Variants in SGCG observed in about 807,000 individuals in gnomAD.
SGCG encodes the protein gamma-sarcoglycan.
Under a neutral mutation model 29.3 loss-of-function variants are expected in SGCG, and 26 were observed. The observed-to-expected ratio is 0.89, with a 90% CI of 0.65 to 1.23. The LOEUF (loss-of-function observed/expected upper bound fraction) is 1.23. Among genes scored for constraint, SGCG ranks in the 50% most tolerant of loss-of-function variants. The pLI, the probability that SGCG is intolerant of heterozygous loss-of-function variation, is 0.00. For missense variants in SGCG, 353 were observed against 356.0 expected (o/e 0.99, Z 0.07); for synonymous variants, 145 against 129.7 (o/e 1.12, Z -0.80).
At chr13:23,199,517 A>T (rs1284900982) in intron 1 of SGCG, among the ~76,000 whole-genome samples, 21 of 152,206 alleles carry the variant, frequency 1.4e-4, no homozygotes, top group Non-Finnish European at 1.5e-5. Context: ...AATTTAATAT[A>T]GTGTCTAATA....
intron 1 of SGCG, among the ~76,000 whole-genome samples, chr13:23,185,905 C>A (rs1283762201): frequency 6.6e-6 from 1 of 152,154 alleles, no homozygotes; most frequent in East Asian, 1.9e-4. Flanking sequence ...TAGCACGAGT[C>A]CACCCCTCGC....
At chr13:23,179,096 A>G (rs749723416), upstream of SGCG, among the ~76,000 whole-genome samples, 6 of 152,224 alleles carry the variant, frequency 3.9e-5, no homozygotes, top group Non-Finnish European at 5.9e-5. Context: ...AATCTGGAAC[A>G]AATTATTTTA....
intron 5 of SGCG, among the ~76,000 whole-genome samples, chr13:23,286,091 A>G (rs145204586): frequency 6.6e-6 from 1 of 152,174 alleles, no homozygotes; most frequent in Non-Finnish European, 1.5e-5. Flanking sequence ...ACAATGGGTA[A>G]CTTTTTGAGA....
the SGCG span, among the ~76,000 whole-genome samples, chr13:23,174,218 C>G: frequency 2.6e-5 from 4 of 152,128 alleles, no homozygotes; most frequent in Admixed American, 6.5e-5. Context: ...GACACCTACT[C>G]AAGGCCACAG....
intron 2 of SGCG, among the ~76,000 whole-genome samples, chr13:23,206,833 A>G (rs1877998138): frequency 6.6e-6 from 1 of 152,254 alleles, no homozygotes; most frequent in African/African-American, 2.4e-5. Flanking sequence ...AACAAATGAG[A>G]AGACCTCCCA....
At chr13:23,177,802 C>T (rs1876608180), upstream of SGCG, among the ~76,000 whole-genome samples, 1 of 151,806 alleles carries the variant, frequency 6.6e-6, no homozygotes, top group Non-Finnish European at 1.5e-5. Flanking sequence ...TGGTTTTGAA[C>T]TCCTGACCTC....
intron 6 of SGCG, among the ~76,000 whole-genome samples, chr13:23,311,484 T>C (rs192158145): frequency 6.6e-6 from 1 of 152,328 alleles, no homozygotes; most frequent in African/African-American, 2.4e-5. Flanking sequence ...TTCACTGGGG[T>C]GGTAGCGAGC....
intron 2 of SGCG, among the ~76,000 whole-genome samples, chr13:23,204,101 T>G (rs1877886481): frequency 6.6e-6 from 1 of 151,346 alleles, no homozygotes; most frequent in African/African-American, 2.5e-5. Flanking sequence ...GTTTTGTGTT[T>G]TTGCTGTAAT....
intron 4 of SGCG, among the ~76,000 whole-genome samples, chr13:23,266,234 T>C (rs1446991013): frequency 6.6e-6 from 1 of 150,612 alleles, no homozygotes; most frequent in Non-Finnish European, 1.5e-5. Flanking sequence ...ATCACGCCAC[T>C]GCACTCCAGC....
intron 6 of SGCG, among the ~76,000 whole-genome samples, chr13:23,304,608 G>C (rs528567803): frequency 1.3e-5 from 2 of 150,324 alleles, no homozygotes; most frequent in African/African-American, 2.4e-5. Flanking sequence ...TTTTTTTGGC[G>C]GCGGGGAGGG....
At chr13:23,315,108 G>A (rs1400330364) in intron 6 of SGCG, among the ~76,000 whole-genome samples, 1 of 152,184 alleles carries the variant, frequency 6.6e-6, no homozygotes, top group Non-Finnish European at 1.5e-5. Flanking sequence ...GGCCCTTACA[G>A]GTGAATCACA....
chr13:23,209,077 A>G (rs1193771348), intron 2 of SGCG, among the ~76,000 whole-genome samples: 4 of 152,152 alleles, frequency 2.6e-5, no homozygotes. Context: ...TATTAACTCT[A>G]GTAGTTAAAT....
At chr13:23,190,961 T>C (rs3829357) in intron 1 of SGCG, among the ~76,000 whole-genome samples, 92,689 of 152,024 alleles carry the variant, frequency 0.61, 29,266 homozygotes, top group African/African-American at 0.79. Context: ...CTTCAGAAAA[T>C]ACTGTGCAAT....
chr13:23,186,020 G>A (rs1304943382), intron 1 of SGCG, among the ~76,000 whole-genome samples: 4 of 152,180 alleles, frequency 2.6e-5, no homozygotes, highest in Non-Finnish European at 4.4e-5. Flanking sequence ...ATTAATGGCA[G>A]GAACTAGAGC....
At chr13:23,162,489 G>A in the SGCG span, among the ~76,000 whole-genome samples, 2 of 152,184 alleles carry the variant, frequency 1.3e-5, no homozygotes, top group Non-Finnish European at 2.9e-5. Flanking sequence ...AGCCGGGCGT[G>A]GTGGCAGGCG....
intron 4 of SGCG, among the ~76,000 whole-genome samples, chr13:23,271,549 G>A (rs1880878145): frequency 6.6e-6 from 1 of 152,208 alleles, no homozygotes; most frequent in African/African-American, 2.4e-5. Flanking sequence ...GTCTGTTCGT[G>A]TTTCCATGCC....
chr13:23,213,870 G>A (rs947996692), intron 2 of SGCG, among the ~76,000 whole-genome samples: 1 of 152,126 alleles, frequency 6.6e-6, no homozygotes, highest in African/African-American at 2.4e-5. Context: ...TCAGCCTAGG[G>A]GTGGTTTTGC....
intron 1 of SGCG, among the ~76,000 whole-genome samples, chr13:23,188,480 A>AT (rs71218545): frequency 0.017 from 2,082 of 120,382 alleles, 109 homozygotes; most frequent in African/African-American, 0.06. Context: ...CGCCTGCCTA[A>AT]TTTTTTTTTT....
chr13:23,168,725 G>A, the SGCG span, among the ~76,000 whole-genome samples: 80,142 of 151,788 alleles, frequency 0.53, 22,586 homozygotes, highest in Non-Finnish European at 0.65. Flanking sequence ...TATTAGCAAA[G>A]GCCTGCTCAC....
Sources: gnomAD v4.1 joint callset for allele counts (sites outside exome capture counted in the v4.1 genomes callset) on GRCh38, gnomAD v4.1.1 for gene constraint, MANE v1.5 for transcripts, NCBI Gene and HGNC (gene_info 2026-07-23, HGNC 2026-07-21) for gene names.